SNCAIP: variants seen among roughly 807,000 people sequenced by gnomAD.
The protein encoded by SNCAIP is synuclein alpha interacting protein.
SNCAIP carries 43 observed loss-of-function variants against 86.7 expected under a neutral mutation model. That is an observed-to-expected ratio of 0.50 (90% confidence interval 0.39 to 0.64). SNCAIP has a LOEUF of 0.64. SNCAIP is among the 30% of genes least tolerant of loss of function. The pLI, the probability that SNCAIP is intolerant of heterozygous loss-of-function variation, is 0.00. For synonymous variants in SNCAIP, 417 were observed against 427.2 expected (o/e 0.98, Z 0.29); for missense variants, 981 against 1,103.1 (o/e 0.89, Z 1.57).
chr5:122,391,801 A>C (rs1169735161), intron 2 of SNCAIP, among the ~76,000 whole-genome samples: 1 of 152,186 alleles, frequency 6.6e-6, no homozygotes, highest in Non-Finnish European at 1.5e-5. Context: ...CTGCTGCTTA[A>C]ATCAGGACTG....
chr5:122,394,313 T>A (rs913912937), intron 2 of SNCAIP, among the ~76,000 whole-genome samples: 1 of 152,218 alleles, frequency 6.6e-6, no homozygotes, highest in Non-Finnish European at 1.5e-5. Flanking sequence ...GCCTGGTTCT[T>A]GTTTTAATTA....
intron 6 of SNCAIP, among the ~76,000 whole-genome samples, chr5:122,438,010 C>A (rs1250049960): frequency 6.6e-6 from 1 of 152,116 alleles, no homozygotes; most frequent in Non-Finnish European, 1.5e-5. Flanking sequence ...AGACATACCC[C>A]CCATAATATT....
In SNCAIP at chr5:122,451,295, T is replaced by C. The variant is rs143349849; in HGVS notation, c.2448T>C (p.Val816=). ...RRTSQNLKLR[V]TFEEPVVQME... ...CATCTCAGAACTTAAAACTGAGAGT[T>C]ACCTTTGAGGAGCCTGTGGTGCAGA... The change falls in exon 10 of 11, where the codon GTT becomes GTC. Residue 816 remains valine, a synonymous_variant. Transcript: ENST00000261368. The C allele has an allele frequency of 1.7e-4, 272 of 1,614,164 alleles. No homozygotes were observed. In the African/African-American group the frequency reaches 3.2e-3, roughly 19 times the overall value.
intron 1 of SNCAIP, among the ~76,000 whole-genome samples, chr5:122,313,596 G>A (rs186846066): frequency 3.3e-5 from 5 of 152,324 alleles, no homozygotes; most frequent in Admixed American, 3.3e-4. Context: ...AATTTAAAAG[G>A]CAAAGAACAA....
At chr5:122,397,779 T>C (rs1288000825) in intron 2 of SNCAIP, among the ~76,000 whole-genome samples, 1 of 152,094 alleles carries the variant, frequency 6.6e-6, no homozygotes, top group African/African-American at 2.4e-5. Context: ...ATTCAAAAGA[T>C]TGAACTGTGC....
chr5:122,375,471 CTTTTTTT>C (rs35995238), intron 1 of SNCAIP, among the ~76,000 whole-genome samples: 2 of 115,612 alleles, frequency 1.7e-5, no homozygotes, highest in African/African-American at 6.2e-5. Flanking sequence ...TAGATTTTTG[CTTTTTTT>C]TTTTTTTTCA....
At chr5:122,392,373 T>G (rs1769572310) in intron 2 of SNCAIP, among the ~76,000 whole-genome samples, 1 of 152,186 alleles carries the variant, frequency 6.6e-6, no homozygotes, top group Non-Finnish European at 1.5e-5. Context: ...TATATTTTTG[T>G]CTACGTGTCT....
intron 1 of SNCAIP, among the ~76,000 whole-genome samples, chr5:122,350,709 G>T (rs190436053): frequency 6.6e-6 from 1 of 152,290 alleles, no homozygotes; most frequent in Non-Finnish European, 1.5e-5. Context: ...GAACGTGTGT[G>T]GTAGGATCAT....
rs3828579 is a variant in SNCAIP at position 122,409,377 on chromosome 5, G to A, written c.130+5512G>A. Among the ~76,000 whole-genome samples, 206 of 152,274 alleles carry A rather than the reference G, an allele frequency of 1.4e-3. 6 individuals carry two copies. In the East Asian group the frequency reaches 0.037, roughly 27 times the overall value. ...TTTAAATGTGATTCTTTCAACATCTGTATCTGCTAAACTCATTGTATAATT... is the reference window on the plus strand; with the variant it reads ...TTTAAATGTGATTCTTTCAACATCTATATCTGCTAAACTCATTGTATAATT... On this transcript the variant is annotated intron_variant, in intron 3 of 10. Transcript: ENST00000261368.
intron 10 of SNCAIP, among the ~76,000 whole-genome samples, chr5:122,457,433 T>C (rs1785028666): frequency 6.6e-6 from 1 of 152,152 alleles, no homozygotes; most frequent in Non-Finnish European, 1.5e-5. Flanking sequence ...AGTTGGGTGA[T>C]TGCCTCTGCT....
At chr5:122,414,500 A>G (rs922299329) in intron 3 of SNCAIP, among the ~76,000 whole-genome samples, 2 of 152,102 alleles carry the variant, frequency 1.3e-5, no homozygotes, top group African/African-American at 2.4e-5. Flanking sequence ...AAAGTGCTGG[A>G]ATTACTAGCG....
At chr5:122,458,038 C>T (rs569492700) in intron 10 of SNCAIP, among the ~76,000 whole-genome samples, 1 of 152,250 alleles carries the variant, frequency 6.6e-6, no homozygotes, top group African/African-American at 2.4e-5. Context: ...TTTTCATAAG[C>T]TCCTTACACT....
intron 1 of SNCAIP, among the ~76,000 whole-genome samples, chr5:122,363,598 A>G (rs2152773036): frequency 1.3e-5 from 2 of 152,106 alleles, no homozygotes; most frequent in African/African-American, 4.8e-5. Flanking sequence ...AGGATCCAAC[A>G]TGATTTAAGA....
At chr5:122,348,738 T>C (rs920622003) in intron 1 of SNCAIP, among the ~76,000 whole-genome samples, 3 of 151,900 alleles carry the variant, frequency 2.0e-5, no homozygotes, top group African/African-American at 7.3e-5. Flanking sequence ...AGAACAAAAA[T>C]GGATGAGGAC....
intron 1 of SNCAIP, among the ~76,000 whole-genome samples, chr5:122,332,155 G>A (rs1399275711): frequency 6.6e-6 from 1 of 152,214 alleles, no homozygotes; most frequent in Non-Finnish European, 1.5e-5. Flanking sequence ...TCCAGACAAT[G>A]ATTTAACATG....
chr5:122,336,977 G>A (rs1487820374), intron 1 of SNCAIP: 1 of 152,138 alleles, frequency 6.6e-6, no homozygotes, highest in Non-Finnish European at 1.5e-5. Flanking sequence ...ATGAAAACAG[G>A]ACTATTCCAG....
chr5:122,459,894 C>T (rs1013959845), intron 10 of SNCAIP, among the ~76,000 whole-genome samples: 1 of 152,154 alleles, frequency 6.6e-6, no homozygotes, highest in South Asian at 2.1e-4. Context: ...CGACCATTCA[C>T]TTTTCCTTCA....
intron 5 of SNCAIP, among the ~76,000 whole-genome samples, chr5:122,426,523 C>T (rs953217328): frequency 6.6e-6 from 1 of 152,060 alleles, no homozygotes; most frequent in African/African-American, 2.4e-5. Flanking sequence ...AAGTTTTATA[C>T]ATTAAAAAAT....
At chr5:122,363,810 ATTT>A (rs1762649296) in intron 1 of SNCAIP, among the ~76,000 whole-genome samples, 2 of 149,950 alleles carry the variant, frequency 1.3e-5, no homozygotes, top group African/African-American at 4.9e-5. Context: ...TTATTTATTT[ATTT>A]ATTTATTTAT....
Sources: gnomAD v4.1 joint callset for allele counts (sites outside exome capture counted in the v4.1 genomes callset) on GRCh38, gnomAD v4.1.1 for gene constraint, MANE v1.5 for transcripts, NCBI Gene and HGNC (gene_info 2026-07-23, HGNC 2026-07-21) for gene names.